The following MED23 variants were observed in gnomAD, a reference collection of about 807,000 sequenced individuals.
MED23 encodes the protein mediator of RNA polymerase II transcription subunit 23.
Under a neutral mutation model 163.9 loss-of-function variants are expected in MED23, and 105 were observed. That is an observed-to-expected ratio of 0.64 (90% CI 0.55 to 0.75). The LOEUF (loss-of-function observed/expected upper bound fraction) is 0.75. MED23 is among the 30% of genes least tolerant of loss of function. The pLI is 0.00. For synonymous variants in MED23, 561 were observed against 565.6 expected (o/e 0.99, Z 0.12); for missense variants, 1,054 against 1,649.0 (o/e 0.64, Z 6.25).
intron 26 of MED23, among the ~76,000 whole-genome samples, chr6:131,590,745 A>C (rs1412678363): frequency 6.6e-6 from 1 of 150,464 alleles, no homozygotes; most frequent in East Asian, 2.0e-4. Flanking sequence ...TCTCCTGCTG[A>C]CTAGCTGGGA....
In MED23 at chr6:131,615,971, C is replaced by T; in HGVS notation, c.812G>A (p.Arg271Lys). The change falls in exon 10 of 29, where the codon AGA (arginine) becomes AAA (lysine). Residue 271 changes from arginine to lysine, a missense_variant. This residue lies in a region of MED23 where 54 missense variants were observed against 79.7 expected (regional missense o/e 0.68). Transcript: ENST00000368068. The part of the protein sequence containing the change: ...DLFEPQTALL[R>K]YVLEQPYSRD... ...GGAATAAGGCTGCTCCAATACATAT[C>T]TCAACAAAGCAGTCTGTGGTTCAAA... 1.2e-6 allele frequency: 2 copies of T among 1,613,724 alleles called. No homozygotes were observed. The highest frequency in any genetic ancestry group is 1.1e-5 in the South Asian group (1 of 91,072).
At position 131,598,850 on chromosome 6, in the gene MED23, T is replaced by G; in HGVS notation, c.2221-89A>C. The G allele has an allele frequency of 7.9e-7, 1 of 1,262,428 alleles. No individual in the cohort carries two copies. Among genetic ancestry groups the G allele is most frequent in the Non-Finnish European group, 1.1e-6 (1 of 871,784 alleles). The allele number at this position is 1,262,428 out of a possible 1,614,324, so 78.2% of individuals were successfully genotyped here. ...AATAAACCAGTTCTAGACTTGATTC[T>G]GACACTAATAAACTCTAGGTCACCT... On this transcript the variant is annotated intron_variant, in intron 18 of 28. Coordinates refer to ENST00000368068, the MANE Select transcript of MED23 (RefSeq NM_004830.4). The surrounding 1 kb of genome is among the most constrained non-coding windows in gnomAD (Gnocchi z 4.7).
In MED23 at chr6:131,619,941, A is replaced by G. The variant is rs1180683565; in HGVS notation, c.598-45T>C. On this transcript the variant is annotated intron_variant, in intron 7 of 28. Coordinates refer to ENST00000368068, the MANE Select transcript of MED23 (RefSeq NM_004830.4). ...GGGAAGTCAAATAAATACGTACAAA[A>G]GGAAAATTGAGACTGCCCCTGAAAT... The G allele has an allele frequency of 3.3e-6, 4 of 1,216,220 alleles. No individual in the cohort carries two copies. The Admixed American group carries it at 5.0e-5, about 15-fold the overall frequency. 75.3% of individuals were successfully genotyped at this position (1,216,220 alleles called of 1,614,324 possible).
chr6:131,613,445 A>G (rs1023802003), intron 10 of MED23, among the ~76,000 whole-genome samples: 10 of 152,164 alleles, frequency 6.6e-5, no homozygotes, highest in Non-Finnish European at 1.5e-4. Context: ...GCTGTGAGTA[A>G]ATTATCACAT....
Position 131,587,094 on chromosome 6 carries a change from T to A in MED23, c.*585A>T. ...AAGTCCATAGCAAAGGTAATAAAAC[T>A]GCCAGTTGACCTTGATAGAAACTAT... On this transcript the variant is annotated 3_prime_UTR_variant, in exon 29 of 29. Coordinates refer to ENST00000368068, the MANE Select transcript of MED23 (RefSeq NM_004830.4). 1 of 1,290,444 alleles carries A rather than the reference T, an allele frequency of 7.7e-7. No homozygotes were observed. The highest frequency in any genetic ancestry group is 2.6e-5 in the South Asian group (1 of 38,242). 79.9% of individuals were successfully genotyped at this position (1,290,444 alleles called of 1,614,324 possible). A position where few individuals can be genotyped will look rare whatever the true frequency, so the allele number is the denominator to read the frequency against.
At position 131,620,823 on chromosome 6, in the gene MED23, A is replaced by G. The variant is rs979716559; in HGVS notation, c.496-94T>C. 4.3e-4 allele frequency: 293 copies of G among 687,404 alleles called. 1 individual carries two copies. The highest frequency in any genetic ancestry group is 6.7e-5 in the Non-Finnish European group (28 of 419,726). The allele number at this position is 687,404 out of a possible 1,614,324, so 42.6% of individuals were successfully genotyped here. On this transcript the variant is annotated intron_variant, in intron 6 of 28. Coordinates refer to ENST00000368068, the MANE Select transcript of MED23 (RefSeq NM_004830.4). ...ATCATTATTTTTTTTTTTTTTTGAG[A>G]CAGGGTCTTGCTCTGTTGCCCAGGC... is the stretch of plus-strand genomic sequence containing the variant.
At chr6:131,579,522 G>A (rs1022523903) in intron 30 of MED23, 3 of 395,020 alleles carry the variant, frequency 7.6e-6, no homozygotes. Context: ...TATGAAATAT[G>A]AATGGATTTC....
chr6:131,584,363 AACACACACACACACACACACAC>A (rs3138772), downstream of MED23: 1 of 158,236 alleles, frequency 6.3e-6, no homozygotes, highest in African/African-American at 2.5e-5. Flanking sequence ...AAATACATGC[AACACACACACACACACACACAC>A]ACACACACAC....
intron 3 of MED23, 133 bp downstream of exon 3, chr6:131,627,263 T>A: frequency 1.2e-5 from 9 of 734,850 alleles, no homozygotes; most frequent in Middle Eastern, 2.8e-4. Context: ...GAATAAAAAA[T>A]GATAACAATT....
chr6:131,611,682 A>C (rs763547665), intron 10 of MED23, among the ~76,000 whole-genome samples: 4 of 152,164 alleles, frequency 2.6e-5, no homozygotes, highest in African/African-American at 4.8e-5. Flanking sequence ...AGATCATTCA[A>C]AGTATACAGA....
chr6:131,585,495 T>C (rs1774145162), downstream of MED23, among the ~76,000 whole-genome samples: 1 of 152,226 alleles, frequency 6.6e-6, no homozygotes, highest in Non-Finnish European at 1.5e-5. Context: ...GCAATTATAA[T>C]GGATCTCACT....
intron 16 of MED23, 142 bp from the exon 17 acceptor site, chr6:131,602,523 CTTAATTTGT>C: frequency 1.3e-6 from 1 of 761,272 alleles, no homozygotes. Flanking sequence ...ATAAATGTTG[CTTAATTTGT>C]TTAAAAAACC....
At chr6:131,592,840 A>G (rs1446866068) in intron 24 of MED23, 166 bp downstream of exon 24, 11 of 814,182 alleles carry the variant, frequency 1.4e-5, no homozygotes, top group African/African-American at 8.5e-5. Context: ...TCCAGGGCTC[A>G]TTCCATAACT....
chr6:131,618,747 TA>T (rs1416509696), intron 8 of MED23, among the ~76,000 whole-genome samples: 1 of 152,240 alleles, frequency 6.6e-6, no homozygotes, highest in Non-Finnish European at 1.5e-5. Context: ...GCATTTTGTC[TA>T]AATGTCTAGG....
chr6:131,627,787 T>A, intron 1 of MED23, 115 bp from the exon 2 acceptor site: 1 of 1,088,786 alleles, frequency 9.2e-7, no homozygotes, highest in Non-Finnish European at 1.4e-6. Context: ...TCTGAAACTA[T>A]CAATACCTGT....
downstream of MED23, chr6:131,584,363 AAC>A (rs3138772): frequency 0.023 from 3,618 of 157,918 alleles, 58 homozygotes; most frequent in African/African-American, 0.029. Context: ...AAATACATGC[AAC>A]ACACACACAC....
chr6:131,583,176 T>C (rs1562361021), downstream of MED23: 1 of 1,610,364 alleles, frequency 6.2e-7, no homozygotes, highest in South Asian at 1.1e-5. Flanking sequence ...TAGGATTCTT[T>C]TGTGTGTGCA....
Position 131,587,259 on chromosome 6 carries a change from A to C in MED23, c.*420T>G. On this transcript the variant is annotated 3_prime_UTR_variant, in exon 29 of 29. Transcript: ENST00000368068. ...AAATCTACCAAGAGATTTATGTATAAAATATTTGTAATAACTGTTTTACAT... is the reference window on the plus strand; with the variant it reads ...AAATCTACCAAGAGATTTATGTATACAATATTTGTAATAACTGTTTTACAT... The C allele has an allele frequency of 9.7e-7, 1 of 1,031,344 alleles. No homozygotes were observed. Among genetic ancestry groups the C allele is most frequent in the Non-Finnish European group, 1.2e-6 (1 of 844,294 alleles). 63.9% of individuals were successfully genotyped at this position (1,031,344 alleles called of 1,614,324 possible).
At chr6:131,622,034 T>C in intron 5 of MED23, 55 bp from the exon 6 acceptor site, 1 of 1,307,508 alleles carries the variant, frequency 7.6e-7, no homozygotes, top group Non-Finnish European at 1.1e-6. Context: ...CTGTGTTAGC[T>C]AAAACGTCCG....
Sources: gnomAD v4.1 joint callset for allele counts (sites outside exome capture counted in the v4.1 genomes callset) on GRCh38, gnomAD v4.1.1 for gene constraint, gnomAD v4.1.1 regional missense constraint, Gnocchi (gnomAD v3.1) non-coding constraint, MANE v1.5 for transcripts, NCBI Gene and HGNC (gene_info 2026-07-23, HGNC 2026-07-21) for gene names.